Variants in MZF1 observed in about 807,000 individuals in gnomAD.
The protein encoded by MZF1 is zinc finger and SCAN domain-containing protein 6.
A neutral mutation model predicts 28.6 loss-of-function variants in MZF1; 24 were observed. The observed-to-expected ratio is 0.84, with a 90% CI of 0.61 to 1.18. The LOEUF is 1.18. Among genes scored for constraint, MZF1 ranks in the 50% most tolerant of loss-of-function variants. The pLI, the probability that MZF1 is intolerant of heterozygous loss-of-function variation, is 0.00. For synonymous variants in MZF1, 516 were observed against 432.5 expected (o/e 1.19, Z -2.40); for missense variants, 1,166 against 1,026.4 (o/e 1.14, Z -1.86).
chr19:58,562,115 C>G lies in MZF1; in HGVS notation c.2162G>C (p.Ser721Thr). 3 of 1,589,618 alleles carry G rather than the reference C, an allele frequency of 1.9e-6. No individual in the cohort carries two copies. Among genetic ancestry groups the G allele is most frequent in the Non-Finnish European group, 2.6e-6 (3 of 1,169,606 alleles). Residue 721 changes from serine to threonine, a missense_variant, in exon 6 of 6, where the codon AGC becomes ACC. By Grantham distance (58) the Ser-to-Thr change is moderately conservative. Coordinates refer to ENST00000215057, the MANE Select transcript of MZF1 (RefSeq NM_198055.2). ...GCGCTGGTGCTGAATGAGCTTGGTG[C>G]TCTGGTGGAAGCGGCGGCCACAGTC... ...CQDCGRRFHQ[S>T]TKLIQHQRVH...
chr19:58,564,654 C>T (rs950759862), intron 5 of MZF1: 8 of 152,170 alleles, frequency 5.3e-5, no homozygotes, highest in Admixed American at 3.9e-4. Flanking sequence ...TAAAATCCAT[C>T]AAAACAGCAA....
In MZF1 at chr19:58,562,583, C is replaced by A; in HGVS notation, c.1694G>T (p.Gly565Val). 1.9e-6 allele frequency: 3 copies of A among 1,592,052 alleles called. No individual in the cohort carries two copies. The highest frequency in any genetic ancestry group is 8.5e-7 in the Non-Finnish European group (1 of 1,172,040). ...NLTQHRRIHT[G>V]ERPFACAECG... ...CTCGGCGCAGGCGAAGGGCCGCTCCCCGGTGTGGATGCGCCGGTGCTGCGT... is the reference window on the plus strand; with the variant it reads ...CTCGGCGCAGGCGAAGGGCCGCTCCACGGTGTGGATGCGCCGGTGCTGCGT... The change falls in exon 6 of 6, where the codon GGG becomes GTG. Residue 565 changes from glycine to valine, a missense_variant. Transcript: ENST00000215057.
intron 5 of MZF1, 69 bp from the exon 6 acceptor site, chr19:58,563,573 G>T: frequency 7.6e-7 from 1 of 1,314,020 alleles, no homozygotes; most frequent in Non-Finnish European, 1.0e-6. Context: ...TTCATCCCTG[G>T]GGACACAGTG....
chr19:58,570,371 C>G lies in MZF1; in HGVS notation c.553G>C (p.Glu185Gln). 6.2e-7 allele frequency: 1 copy of G among 1,613,400 alleles called. No individual in the cohort carries two copies. Among genetic ancestry groups the G allele is most frequent in the Non-Finnish European group, 8.5e-7 (1 of 1,179,470 alleles). Reference sequence around the variant, plus strand: ...GAGTCCTCTGTAACCTCTGACTCCTCTTTCACCTGCAGGCCCAGTGGTGAT... The same window carrying G: ...GAGTCCTCTGTAACCTCTGACTCCTGTTTCACCTGCAGGCCCAGTGGTGAT... ...QESPLGLQVK[E>Q]ESEVTEDSDF... The change falls in exon 3 of 6, where the codon GAG becomes CAG. Residue 185 changes from glutamate (E) to glutamine (Q), a missense_variant. Coordinates refer to ENST00000215057, the MANE Select transcript of MZF1 (RefSeq NM_198055.2).
At position 58,562,232 on chromosome 19, in the gene MZF1, GCGTAGGGC is replaced by G; in HGVS notation, c.2037_2044del (p.Pro680MetfsTer3). ...GAAGGCCTTGCCACACTCAGGGCATGCGTAGGGCCGTTCACCCGTGTGGATGCGCCGGT... is the reference window on the plus strand; with the variant it reads ...GAAGGCCTTGCCACACTCAGGGCATGCGTTCACCCGTGTGGATGCGCCGGT... On this transcript the variant is annotated frameshift_variant, in exon 6 of 6. Transcript: ENST00000215057. LOFTEE classifies it low-confidence loss of function (END_TRUNC). 6.2e-7 allele frequency: 1 copy of G among 1,609,096 alleles called. No individual in the cohort carries two copies. Among genetic ancestry groups the G allele is most frequent in the Non-Finnish European group, 8.5e-7 (1 of 1,179,160 alleles).
intron 5 of MZF1, among the ~76,000 whole-genome samples, chr19:58,566,799 C>T (rs960589984): frequency 6.6e-6 from 1 of 152,110 alleles, no homozygotes; most frequent in Admixed American, 6.6e-5. Context: ...AACAGCAAAA[C>T]CCTGTCCTTT....
At chr19:58,564,417 C>T (rs1317232704) in intron 5 of MZF1, 1 of 152,162 alleles carries the variant, frequency 6.6e-6, no homozygotes, top group Non-Finnish European at 1.5e-5. Flanking sequence ...TAAAGAGCTA[C>T]AATAAATCAG....
Position 58,562,729 on chromosome 19 carries a change from G to T in MZF1, c.1548C>A (p.Val516=). The change falls in exon 6 of 6, where the codon GTC becomes GTA. Residue 516 remains valine, a synonymous_variant. Transcript: ENST00000215057. ...GGCGGCCGAAGCGCTCGCCGCACTC[G>T]ACGCAGCCAAAGGACTTGTCGCCCG... ...VHTGDKSFGC[V]ECGERFGRRS... 2 of 1,535,878 alleles carry T rather than the reference G, an allele frequency of 1.3e-6. No individual in the cohort carries two copies. The highest frequency in any genetic ancestry group is 1.7e-6 in the Non-Finnish European group (2 of 1,147,280).
At position 58,562,681 on chromosome 19, in the gene MZF1, C is replaced by G. The variant is rs77462122; in HGVS notation, c.1596G>C (p.Arg532=). Residue 532 remains arginine (R), a synonymous_variant, in exon 6 of 6, where the codon CGG becomes CGC. Transcript: ENST00000215057. ...AGGGCCGCTCGCCACTGTGCACGCGCCGGTGCTGCAGCAGCACTGAGCGGC... is the reference window on the plus strand; with the variant it reads ...AGGGCCGCTCGCCACTGTGCACGCGGCGGTGCTGCAGCAGCACTGAGCGGC... ...FGRRSVLLQH[R]RVHSGERPFA... 248 of 1,539,394 alleles carry G rather than the reference C, an allele frequency of 1.6e-4. 2 individuals are homozygous for G. In the East Asian group the frequency reaches 4.1e-3, roughly 26 times the overall value.
At chr19:58,563,684 GAGAC>G in intron 5 of MZF1, 180 bp from the exon 6 acceptor site, 1 of 558,898 alleles carries the variant, frequency 1.8e-6, no homozygotes, top group Non-Finnish European at 3.1e-6. Flanking sequence ...AGGTGATAAT[GAGAC>G]AGAACCCAGC....
chr19:58,572,503 C>T, intron 1 of MZF1: 3 of 1,257,454 alleles, frequency 2.4e-6, no homozygotes, highest in Non-Finnish European at 3.1e-6. Flanking sequence ...ATCTTCAGAT[C>T]ACTGTGCCTT....
At chr19:58,567,444 C>T (rs1175322828) in intron 5 of MZF1, among the ~76,000 whole-genome samples, 1 of 152,246 alleles carries the variant, frequency 6.6e-6, no homozygotes, top group African/African-American at 2.4e-5. Context: ...AGAAACCGTA[C>T]TGAGAAAGTC....
intron 5 of MZF1, among the ~76,000 whole-genome samples, chr19:58,565,787 C>A (rs1388877869): frequency 2.8e-5 from 4 of 144,758 alleles, no homozygotes; most frequent in Admixed American, 6.8e-5. Flanking sequence ...CCGCCTTGGC[C>A]TCCCAAAGTG....
chr19:58,570,747 C>A (rs2054144547), intron 2 of MZF1: 2 of 654,032 alleles, frequency 3.1e-6, no homozygotes, highest in Non-Finnish European at 5.2e-6. Flanking sequence ...CCTTCCAGTA[C>A]CTTCCCCATA....
Position 58,566,372 on chromosome 19 carries a change from G to A in MZF1, c.773-2868C>T, listed in dbSNP as rs575205932. On this transcript the variant is annotated intron_variant, in intron 5 of 5. Coordinates refer to ENST00000215057, the MANE Select transcript of MZF1 (RefSeq NM_198055.2). ...CTGAGGCAGGAGAATGGCTTGAACC[G>A]GGAGGTGGAGGTTGCAGTGAGCCGA... 3.9e-4 allele frequency among the ~76,000 whole-genome samples: 60 copies of A among 152,108 alleles called. 1 individual carries two copies. In the Middle Eastern group the frequency reaches 0.014, roughly 34 times the overall value.
In MZF1 at chr19:58,562,635, G is replaced by C. The variant is rs1444968955; in HGVS notation, c.1642C>G (p.Gln548Glu). Residue 548 changes from glutamine (Q) to glutamate (E), a missense_variant, in exon 6 of 6, where the codon CAG becomes GAG. Gln to Glu is a conservative substitution (Grantham distance 29). Coordinates refer to ENST00000215057, the MANE Select transcript of MZF1 (RefSeq NM_198055.2). ...AGGTTGGAGCGCTGCCGGAAGCTCT[G>C]GCCGCACTCGGCACAGGCGAAGGGC... ...ERPFACAECG[Q>E]SFRQRSNLTQ... is the part of the protein sequence containing the mutation. The C allele has an allele frequency of 3.2e-6, 5 of 1,558,464 alleles. No individual in the cohort carries two copies. The African/African-American group carries it at 6.8e-5, about 21-fold the overall frequency.
chr19:58,563,166 G>T lies in MZF1; in HGVS notation c.1111C>A (p.Leu371Met). The T allele has an allele frequency of 6.2e-7, 1 of 1,609,834 alleles. No individual in the cohort carries two copies. ...GTGTGGATCTTCTGGTGCCTCAGCA[G>T]GTTGCTGCGTTGGCTGAACACCTTG... is the stretch of plus-strand genomic sequence containing the variant. Reference protein sequence around the residue: ...CGKVFSQRSNLLRHQKIHTGE... With the variant: ...CGKVFSQRSNMLRHQKIHTGE... The change falls in exon 6 of 6, where the codon CTG (leucine) becomes ATG (methionine). Residue 371 changes from leucine (L) to methionine (M), a missense_variant. Leu to Met is a conservative substitution (Grantham distance 15). Transcript: ENST00000215057.
intron 5 of MZF1, among the ~76,000 whole-genome samples, chr19:58,565,722 CGG>C (rs1357759477): frequency 1.3e-5 from 2 of 149,606 alleles, no homozygotes; most frequent in African/African-American, 4.9e-5. Context: ...TTAGTAGAGA[CGG>C]GGTTTCGCCG....
In MZF1 at chr19:58,563,068, CT is replaced by C. The variant is rs764052198; in HGVS notation, c.1208del (p.Gln403ArgfsTer154). 6.9e-5 allele frequency: 111 copies of C among 1,603,424 alleles called. No individual in the cohort carries two copies. The highest frequency in any genetic ancestry group is 9.2e-5 in the Non-Finnish European group (108 of 1,179,436). Reference protein sequence around the residue: ...FSRSSHLLRHQLTHTEERPFV... With the variant: ...FSRSSHLLRHXLTHTEERPFV... ...ACGGCCGCTCCTCGGTGTGCGTAAGCTGGTGGCGCAGCAGGTGCGAGCTGCG... is the reference window on the plus strand; with the variant it reads ...ACGGCCGCTCCTCGGTGTGCGTAAGCGGTGGCGCAGCAGGTGCGAGCTGCG... On this transcript the variant is annotated frameshift_variant, in exon 6 of 6. Coordinates refer to ENST00000215057, the MANE Select transcript of MZF1 (RefSeq NM_198055.2). LOFTEE classifies it low-confidence loss of function (END_TRUNC).
Sources: gnomAD v4.1 joint callset for allele counts (sites outside exome capture counted in the v4.1 genomes callset) on GRCh38, gnomAD v4.1.1 for gene constraint, MANE v1.5 for transcripts, NCBI Gene and HGNC (gene_info 2026-07-23, HGNC 2026-07-21) for gene names.